The following MEF2A variants were observed in gnomAD, a reference collection of about 807,000 sequenced individuals.
The protein encoded by MEF2A is myocyte enhancer factor 2A.
A neutral mutation model predicts 55.8 loss-of-function variants in MEF2A; 28 were observed. That is an observed-to-expected ratio of 0.50 (90% CI 0.37 to 0.69). The LOEUF is 0.69. Ranked by LOEUF, MEF2A falls within the 30% of genes least tolerant of loss-of-function variation. MEF2A has a pLI of 0.00. For synonymous variants in MEF2A, 239 were observed against 227.1 expected (o/e 1.05, Z -0.47); for missense variants, 528 against 626.2 (o/e 0.84, Z 1.67).
At chr15:99,669,682 T>A (rs774330798) in intron 4 of MEF2A, among the ~76,000 whole-genome samples, 3 of 152,192 alleles carry the variant, frequency 2.0e-5, no homozygotes, top group African/African-American at 4.8e-5. Flanking sequence ...TCATGAAAAA[T>A]TTTTAAAAAT....
intron 7 of MEF2A, among the ~76,000 whole-genome samples, chr15:99,689,165 G>A (rs892255269): frequency 5.9e-5 from 9 of 152,178 alleles, no homozygotes; most frequent in Admixed American, 5.2e-4. Context: ...GTTAGGGAAA[G>A]TTTAGGAATA....
intron 1 of MEF2A, 128 bp from the exon 2 acceptor site, chr15:99,598,302 C>T (rs537043224): frequency 6.6e-6 from 1 of 152,238 alleles, no homozygotes; most frequent in East Asian, 1.9e-4. Flanking sequence ...ATTTAATTTT[C>T]ATTTAACAGT....
At chr15:99,633,721 A>G (rs937079633) in intron 3 of MEF2A, among the ~76,000 whole-genome samples, 1 of 151,998 alleles carries the variant, frequency 6.6e-6, no homozygotes, top group African/African-American at 2.4e-5. Flanking sequence ...AGTGTGGGTA[A>G]ATCCTTACAG....
chr15:99,702,058 A>G (rs2057449567), intron 8 of MEF2A, among the ~76,000 whole-genome samples: 2 of 152,362 alleles, frequency 1.3e-5, no homozygotes, highest in South Asian at 2.1e-4. Flanking sequence ...AGTGAAAACC[A>G]TATGTTTTAC....
rs143743957 is a variant in MEF2A, at chr15:99,649,009, A to G, written c.258+3245A>G. Among the ~76,000 whole-genome samples, 512 of 152,218 alleles carry G rather than the reference A, an allele frequency of 3.4e-3. 14 individuals are homozygous for G. The highest frequency in any genetic ancestry group is 0.028 in the Admixed American group (421 of 15,272). On this transcript the variant is annotated intron_variant, in intron 4 of 11. Transcript: ENST00000557942. ...TTCTGTGTTTCAATTTTATGTATAA[A>G]CTTAAATCCATCTATCTTTGTTCTG... is the stretch of plus-strand genomic sequence containing the variant.
rs368812072 is a variant in MEF2A at position 99,674,616 on chromosome 15, T to A, written c.610+4T>A. 7.5e-6 allele frequency: 12 copies of A among 1,606,408 alleles called. No individual in the cohort carries two copies. The African/African-American group carries it at 1.5e-4, about 20-fold the overall frequency. Reference sequence around the variant, plus strand: ...CCACCAAGTACTGGCAATGCAGGTATGTAGTGATACCTATTATGCTGGTTC... The same window carrying A: ...CCACCAAGTACTGGCAATGCAGGTAAGTAGTGATACCTATTATGCTGGTTC... On this transcript the variant is annotated splice_donor_region_variant and intron_variant, in intron 6 of 11. Coordinates refer to ENST00000557942, the MANE Select transcript of MEF2A (RefSeq NM_001319206.4).
intron 1 of MEF2A, among the ~76,000 whole-genome samples, chr15:99,568,752 T>C (rs1193582128): frequency 6.6e-6 from 1 of 152,178 alleles, no homozygotes; most frequent in Non-Finnish European, 1.5e-5. Flanking sequence ...TAGTGTAATA[T>C]ACGATGATGA....
rs182967349 is a variant in MEF2A, at chr15:99,651,366, T to C, written c.258+5602T>C. Among the ~76,000 whole-genome samples, 890 of 152,324 alleles carry C rather than the reference T, an allele frequency of 5.8e-3. 4 individuals are homozygous for C. The highest frequency in any genetic ancestry group is 0.016 in the South Asian group (79 of 4,832). ...ATTTTCTGACAGTATCATGATATTC[T>C]CAAAGAGGCTTTTTGAGCCAGTCCT... On this transcript the variant is annotated intron_variant, in intron 4 of 11. Transcript: ENST00000557942.
intron 8 of MEF2A, among the ~76,000 whole-genome samples, chr15:99,694,956 C>T (rs1331874925): frequency 6.7e-6 from 1 of 148,192 alleles, no homozygotes; most frequent in African/African-American, 2.5e-5. Context: ...TTCCTATGTC[C>T]CTTTGATATA....
rs1248670586 is a variant in MEF2A, at chr15:99,716,269, C to T, written c.*3498C>T. 1.2e-5 allele frequency: 4 copies of T among 340,176 alleles called. No homozygotes were observed. The highest frequency in any genetic ancestry group is 4.7e-5 in the South Asian group (2 of 42,958). The allele number at this position is 340,176 out of a possible 1,614,324, so 21.1% of individuals were successfully genotyped here. On this transcript the variant is annotated 3_prime_UTR_variant, in exon 12 of 12. Transcript: ENST00000557942. ...TGTACACGGTTTGATCATGTAAAACCGTTTGGCGGCACAAGCTGGACTTTG... is the reference window on the plus strand; with the variant it reads ...TGTACACGGTTTGATCATGTAAAACTGTTTGGCGGCACAAGCTGGACTTTG...
rs748415125 is a variant in MEF2A at position 99,712,540 on chromosome 15, G to C, written c.1287G>C (p.Pro429=). Residue 429 remains proline, a synonymous_variant, in exon 12 of 12, where the codon CCG becomes CCC. Coordinates refer to ENST00000557942, the MANE Select transcript of MEF2A (RefSeq NM_001319206.4). This position sits in a 1 kb window ranked among gnomAD's most constrained non-coding sequence, Gnocchi z 4.1. ...QQQQQQQQQQ[P]PPPPQPQPQP... ...AGCAGCAGCAGCAGCAGCAGCAGCC[G>C]CCGCCACCACCGCAGCCCCAGCCAC... 4 of 1,547,440 alleles carry C rather than the reference G, an allele frequency of 2.6e-6. No individual in the cohort carries two copies. In the South Asian group the frequency reaches 4.8e-5, roughly 18 times the overall value.
At chr15:99,710,376 G>C (rs1482715349) in intron 10 of MEF2A, among the ~76,000 whole-genome samples, 1 of 152,170 alleles carries the variant, frequency 6.6e-6, no homozygotes, top group Non-Finnish European at 1.5e-5. Flanking sequence ...CCAAGTAGCT[G>C]GGACTACAGG....
chr15:99,588,060 C>T (rs573799932), intron 1 of MEF2A, among the ~76,000 whole-genome samples: 131 of 152,234 alleles, frequency 8.6e-4, no homozygotes, highest in Non-Finnish European at 1.4e-3. Flanking sequence ...TGTAGGTTTT[C>T]TGTGGATGCT....
intron 7 of MEF2A, among the ~76,000 whole-genome samples, chr15:99,683,584 T>G (rs2053641380): frequency 6.6e-6 from 1 of 152,040 alleles, no homozygotes; most frequent in African/African-American, 2.4e-5. Context: ...TTTAGCATTT[T>G]TTTTTAGTGG....
At chr15:99,643,386 C>G (rs546482027) in intron 3 of MEF2A, among the ~76,000 whole-genome samples, 35 of 152,196 alleles carry the variant, frequency 2.3e-4, no homozygotes, top group African/African-American at 8.2e-4. Flanking sequence ...TGTTTTCTTG[C>G]TTTGTGACTT....
intron 8 of MEF2A, among the ~76,000 whole-genome samples, chr15:99,695,605 A>G (rs919280416): frequency 6.8e-6 from 1 of 147,506 alleles, no homozygotes; most frequent in Non-Finnish European, 1.5e-5. Context: ...CATGCCTGTA[A>G]TCCCAGCACT....
chr15:99,664,829 T>C (rs2049300396), intron 4 of MEF2A, among the ~76,000 whole-genome samples: 1 of 152,170 alleles, frequency 6.6e-6, no homozygotes, highest in South Asian at 2.1e-4. Flanking sequence ...TTATAAATCT[T>C]CCAAGTTGCA....
intron 2 of MEF2A, among the ~76,000 whole-genome samples, chr15:99,610,760 A>G (rs184828946): frequency 5.9e-4 from 90 of 152,330 alleles, no homozygotes; most frequent in Non-Finnish European, 9.8e-4. Flanking sequence ...CTAACACTAT[A>G]TACAAGAATT....
At chr15:99,574,265 A>G (rs573677999) in intron 1 of MEF2A, among the ~76,000 whole-genome samples, 60 of 152,302 alleles carry the variant, frequency 3.9e-4, no homozygotes, top group Admixed American at 1.2e-3. Context: ...CCTTGATTAC[A>G]TCTTCTGCCT....
Sources: gnomAD v4.1 joint callset for allele counts (sites outside exome capture counted in the v4.1 genomes callset) on GRCh38, gnomAD v4.1.1 for gene constraint, Gnocchi (gnomAD v3.1) non-coding constraint, MANE v1.5 for transcripts, NCBI Gene and HGNC (gene_info 2026-07-23, HGNC 2026-07-21) for gene names.